TTC7B: variants seen among roughly 807,000 people sequenced by gnomAD.
TTC7B encodes the protein tetratricopeptide repeat protein 7B.
TTC7B carries 28 observed loss-of-function variants against 106.8 expected under a neutral mutation model. The ratio of observed to expected loss-of-function variants is 0.26; its 90% CI spans 0.19 to 0.36. TTC7B has a LOEUF of 0.36. TTC7B is among the 10% of genes least tolerant of loss of function. The pLI is 1.00. For missense variants in TTC7B, 862 were observed against 1,076.4 expected, an observed-to-expected ratio of 0.80 and a Z score of 2.79; for synonymous variants, 405 against 430.6, an observed-to-expected ratio of 0.94 and a Z score of 0.74.
intron 1 of TTC7B, among the ~76,000 whole-genome samples, chr14:90,795,844 T>A (rs1337708935): frequency 1.3e-5 from 2 of 152,008 alleles, no homozygotes; most frequent in Non-Finnish European, 2.9e-5. Context: ...GCTGTGTGAG[T>A]CATTAATAGC....
chr14:90,708,159 A>T (rs1037525066), intron 5 of TTC7B, among the ~76,000 whole-genome samples: 2 of 151,496 alleles, frequency 1.3e-5, no homozygotes, highest in Non-Finnish European at 2.9e-5. Flanking sequence ...AAAAAAAAAA[A>T]AAAAAAAAAA....
rs976324021 is a variant in TTC7B, at chr14:90,808,076, C to G, written c.121+8099G>C. Among the ~76,000 whole-genome samples the G allele has an allele frequency of 1.3e-5, 2 of 152,198 alleles. No individual in the cohort carries two copies. Among genetic ancestry groups the G allele is most frequent in the South Asian group, 4.1e-4 (2 of 4,832 alleles). ...TACTCAAGCCCTGAATGAGAATTAC[C>G]CCTGACATCATTCGCTTGTTGTGAT... On this transcript the variant is annotated intron_variant, in intron 1 of 19. Transcript: ENST00000328459. The surrounding 1 kb of genome is among the most constrained non-coding windows in gnomAD (Gnocchi z 4.2).
At chr14:90,675,777 C>G (rs1163906513) in intron 9 of TTC7B, 3 of 148,616 alleles carry the variant, frequency 2.0e-5, no homozygotes, top group Non-Finnish European at 4.5e-5. Flanking sequence ...AGATAAATAA[C>G]ATGGAAAAGT....
At chr14:90,598,337 GC>G (rs1892296257) in intron 17 of TTC7B, among the ~76,000 whole-genome samples, 1 of 152,110 alleles carries the variant, frequency 6.6e-6, no homozygotes, top group South Asian at 2.1e-4. Flanking sequence ...GGCTTTCCTT[GC>G]CCTCCCACCT....
intron 5 of TTC7B, among the ~76,000 whole-genome samples, chr14:90,702,671 T>C (rs1448617317): frequency 6.6e-6 from 1 of 152,256 alleles, no homozygotes; most frequent in African/African-American, 2.4e-5. Flanking sequence ...TCCTCTTTGC[T>C]ATTTACTGAA....
rs534496820 is a variant in TTC7B, at chr14:90,526,989, G to T, written c.*14379C>A. ...GTCTTCATGGGCTTCTCTGGTTTTC[G>T]TCAGTTTCTTAGACTTTTCTTTTTC... is the stretch of plus-strand genomic sequence containing the variant. On this transcript the variant is annotated 3_prime_UTR_variant, in exon 20 of 20. Coordinates refer to ENST00000328459, the MANE Select transcript of TTC7B (RefSeq NM_001010854.2). 1 of 151,972 alleles carries T rather than the reference G, an allele frequency of 6.6e-6. No individual in the cohort carries two copies. Among genetic ancestry groups the T allele is most frequent in the East Asian group, 1.9e-4 (1 of 5,184 alleles). 9.4% of individuals were successfully genotyped at this position (151,972 alleles called of 1,614,324 possible).
intron 9 of TTC7B, among the ~76,000 whole-genome samples, chr14:90,664,263 T>A (rs1370240328): frequency 1.3e-5 from 2 of 152,320 alleles, no homozygotes; most frequent in South Asian, 2.1e-4. Context: ...TCACATTTTT[T>A]ATTTTTTTAA....
At chr14:90,592,564 C>A (rs1485145230) in intron 18 of TTC7B, among the ~76,000 whole-genome samples, 1 of 152,068 alleles carries the variant, frequency 6.6e-6, no homozygotes, top group Non-Finnish European at 1.5e-5. Context: ...CAAAAATTAG[C>A]TGGGCGTGGT....
At chr14:90,611,012 C>T (rs1384933536) in intron 16 of TTC7B, among the ~76,000 whole-genome samples, 173 bp from the exon 17 acceptor site, 2 of 152,156 alleles carry the variant, frequency 1.3e-5, no homozygotes, top group African/African-American at 4.8e-5. Context: ...GCCTGGGCTG[C>T]GATTCCTTTC....
rs1889797630 is a variant in TTC7B at position 90,742,258 on chromosome 14, T to G, written c.576+2534A>C. On this transcript the variant is annotated intron_variant, in intron 4 of 19. Coordinates refer to ENST00000328459, the MANE Select transcript of TTC7B (RefSeq NM_001010854.2). This position sits in a 1 kb window ranked among gnomAD's most constrained non-coding sequence, Gnocchi z 4.1. Reference sequence around the variant, plus strand: ...TTCTTTCTTTCTTCCTTTCTTTCTTTTTTTTCTTTTGTTTCTCTCTCTCTC... The same window carrying G: ...TTCTTTCTTTCTTCCTTTCTTTCTTGTTTTTCTTTTGTTTCTCTCTCTCTC... 6.6e-6 allele frequency among the ~76,000 whole-genome samples: 1 copy of G among 152,076 alleles called. No individual in the cohort carries two copies. The highest frequency in any genetic ancestry group is 1.5e-5 in the Non-Finnish European group (1 of 68,006).
chr14:90,622,417 C>T (rs1252221940), intron 15 of TTC7B, among the ~76,000 whole-genome samples: 1 of 151,920 alleles, frequency 6.6e-6, no homozygotes, highest in African/African-American at 2.4e-5. Flanking sequence ...CCGTGCCCAG[C>T]CATGAATCTA....
intron 3 of TTC7B, among the ~76,000 whole-genome samples, chr14:90,749,143 T>C (rs1162699101): frequency 6.6e-6 from 1 of 152,212 alleles, no homozygotes; most frequent in African/African-American, 2.4e-5. Context: ...ATATGTCTTT[T>C]TTCCTGGCTG....
intron 1 of TTC7B, among the ~76,000 whole-genome samples, chr14:90,786,628 G>A (rs2140041464): frequency 6.6e-6 from 1 of 151,966 alleles, no homozygotes; most frequent in Admixed American, 6.6e-5. Flanking sequence ...TGCTCAGGCT[G>A]GAGTGCAATA....
chr14:90,795,934 C>T (rs1891760434), intron 1 of TTC7B, among the ~76,000 whole-genome samples: 1 of 152,186 alleles, frequency 6.6e-6, no homozygotes. Flanking sequence ...GGAAACAATA[C>T]TAGGATGCTA....
intron 1 of TTC7B, among the ~76,000 whole-genome samples, chr14:90,789,757 G>A (rs180734930): frequency 2.0e-4 from 31 of 152,000 alleles, no homozygotes; most frequent in South Asian, 6.2e-4. Context: ...TTAGCCGGGC[G>A]TGGTGGTGGG....
chr14:90,681,380 A>C (rs1026566035), intron 7 of TTC7B, among the ~76,000 whole-genome samples: 1 of 151,940 alleles, frequency 6.6e-6, no homozygotes, highest in Admixed American at 6.6e-5. Flanking sequence ...TTTAAAAAAA[A>C]CTCCTAGATA....
chr14:90,568,631 G>C (rs1048652344), intron 19 of TTC7B, among the ~76,000 whole-genome samples: 1 of 152,198 alleles, frequency 6.6e-6, no homozygotes, highest in African/African-American at 2.4e-5. Flanking sequence ...GTGAGGACAG[G>C]GTGGCCTGGT....
intron 19 of TTC7B, among the ~76,000 whole-genome samples, chr14:90,544,214 A>G (rs1354668157): frequency 6.6e-6 from 1 of 152,224 alleles, no homozygotes. Flanking sequence ...CCCGTCTGGG[A>G]ACAGCAGGCT....
At chr14:90,619,970 AGAG>A (rs1294759544) in intron 15 of TTC7B, among the ~76,000 whole-genome samples, 1 of 152,204 alleles carries the variant, frequency 6.6e-6, no homozygotes, top group Non-Finnish European at 1.5e-5. Flanking sequence ...AAGGTACCTT[AGAG>A]GAGGAAAGTC....
Sources: gnomAD v4.1 joint callset for allele counts (sites outside exome capture counted in the v4.1 genomes callset) on GRCh38, gnomAD v4.1.1 for gene constraint, Gnocchi (gnomAD v3.1) non-coding constraint, MANE v1.5 for transcripts, NCBI Gene and HGNC (gene_info 2026-07-23, HGNC 2026-07-21) for gene names.